Variants in SULF1 observed in about 807,000 individuals in gnomAD.
SULF1 encodes extracellular sulfatase Sulf-1.
In SULF1, 46 loss-of-function variants were observed where a neutral mutation model predicts 110.5. The ratio of observed to expected loss-of-function variants is 0.42; its 90% CI spans 0.33 to 0.53. The LOEUF (loss-of-function observed/expected upper bound fraction) is 0.53. Among genes scored for constraint, SULF1 ranks in the 20% least tolerant of loss-of-function variants. The pLI is 0.12. For missense variants in SULF1, 941 were observed against 1,094.2 expected (o/e 0.86, Z 1.98); for synonymous variants, 371 against 387.1 (o/e 0.96, Z 0.49).
At chr8:69,626,533 G>T (rs1810048224) in intron 15 of SULF1, among the ~76,000 whole-genome samples, 1 of 152,250 alleles carries the variant, frequency 6.6e-6, no homozygotes, top group South Asian at 2.1e-4. Flanking sequence ...ATAGAGCAGG[G>T]GGTGGTGCTC....
intron 1 of SULF1, among the ~76,000 whole-genome samples, chr8:69,471,333 T>TA (rs976272755): frequency 1.3e-5 from 2 of 151,746 alleles, no homozygotes; most frequent in African/African-American, 2.4e-5. Context: ...CTTTCCTCTC[T>TA]AGAGTTACCC....
intron 19 of SULF1, among the ~76,000 whole-genome samples, chr8:69,637,404 T>C (rs774641262): frequency 6.6e-6 from 1 of 152,228 alleles, no homozygotes; most frequent in Non-Finnish European, 1.5e-5. Flanking sequence ...CTCCGCTGCT[T>C]TACGATCCAT....
At chr8:69,523,392 T>C (rs1473265714) in intron 3 of SULF1, among the ~76,000 whole-genome samples, 2 of 151,928 alleles carry the variant, frequency 1.3e-5, no homozygotes, top group African/African-American at 4.8e-5. Flanking sequence ...GAAACAGATA[T>C]TTGAGAGAAT....
intron 22 of SULF1, among the ~76,000 whole-genome samples, chr8:69,648,964 G>A (rs945366403): frequency 3.3e-5 from 5 of 152,206 alleles, no homozygotes; most frequent in East Asian, 1.9e-4. Context: ...TTCTGTTTCC[G>A]GGATTGGGGA....
chr8:69,595,979 C>A (rs1807287331), intron 8 of SULF1, among the ~76,000 whole-genome samples: 1 of 152,090 alleles, frequency 6.6e-6, no homozygotes. Flanking sequence ...TTATTTCTGT[C>A]GTGTCAGTAA....
chr8:69,491,349 C>G (rs975362829), upstream of SULF1, among the ~76,000 whole-genome samples: 3 of 152,192 alleles, frequency 2.0e-5, no homozygotes, highest in Non-Finnish European at 4.4e-5. Context: ...TGTGATAGCA[C>G]ATATTATTTC....
chr8:69,524,184 C>T (rs558638190), intron 3 of SULF1, among the ~76,000 whole-genome samples: 3 of 151,910 alleles, frequency 2.0e-5, no homozygotes, highest in Non-Finnish European at 2.9e-5. Flanking sequence ...AAAAGCAGGC[C>T]GGCAGGCTTT....
intron 3 of SULF1, among the ~76,000 whole-genome samples, chr8:69,558,253 C>G (rs1267775855): frequency 6.6e-6 from 1 of 152,156 alleles, no homozygotes; most frequent in African/African-American, 2.4e-5. Flanking sequence ...TGGGTACCAG[C>G]TTCTTGCTGG....
intron 1 of SULF1, among the ~76,000 whole-genome samples, chr8:69,485,650 C>T (rs939650385): frequency 1.3e-5 from 2 of 152,222 alleles, no homozygotes; most frequent in East Asian, 3.8e-4. Flanking sequence ...GCAACCTCTG[C>T]AGTCGGCTTG....
intron 13 of SULF1, among the ~76,000 whole-genome samples, chr8:69,609,843 C>A (rs1055235509): frequency 1.3e-5 from 2 of 152,184 alleles, no homozygotes; most frequent in South Asian, 4.1e-4. Context: ...GTATGAGACC[C>A]AGGTACCAGT....
At chr8:69,591,339 G>A (rs184587873) in intron 8 of SULF1, among the ~76,000 whole-genome samples, 2 of 152,094 alleles carry the variant, frequency 1.3e-5, no homozygotes, top group African/African-American at 2.4e-5. Flanking sequence ...CGGATCACGA[G>A]GTCAAGAGAT....
At chr8:69,606,605 A>C (rs1808238920) in intron 13 of SULF1, among the ~76,000 whole-genome samples, 1 of 152,210 alleles carries the variant, frequency 6.6e-6, no homozygotes. Context: ...GTGTAATTTT[A>C]CAAACCTCTC....
intron 19 of SULF1, among the ~76,000 whole-genome samples, chr8:69,630,669 T>G (rs1204635446): frequency 6.6e-6 from 1 of 152,202 alleles, no homozygotes; most frequent in East Asian, 1.9e-4. Flanking sequence ...TTCAGATCGC[T>G]GGGGACAGTA....
Position 69,638,486 on chromosome 8 carries a change from C to G in SULF1, c.2285-16C>G. 3 of 1,605,972 alleles carry G rather than the reference C, an allele frequency of 1.9e-6. No individual in the cohort carries two copies. In the African/African-American group the frequency reaches 4.0e-5, roughly 22 times the overall value. On this transcript the variant is annotated splice_polypyrimidine_tract_variant and intron_variant, in intron 19 of 22. Coordinates refer to ENST00000402687, the MANE Select transcript of SULF1 (RefSeq NM_001128205.2). ...ACTCTTTTTGTTTTGTTGTGTTTTT[C>G]TTTTTTACCCAACAGTGGGATCTTT...
intron 6 of SULF1, among the ~76,000 whole-genome samples, chr8:69,583,082 G>A (rs2150758379): frequency 6.6e-6 from 1 of 152,288 alleles, no homozygotes; most frequent in East Asian, 1.9e-4. Flanking sequence ...TTGGCTGACT[G>A]TAGACCTAAT....
chr8:69,509,077 T>C (rs573412657), intron 3 of SULF1, among the ~76,000 whole-genome samples: 1 of 152,314 alleles, frequency 6.6e-6, no homozygotes, highest in East Asian at 1.9e-4. Context: ...CACTAGGATG[T>C]GGTAAAGACC....
chr8:69,507,288 C>A (rs919297790), intron 3 of SULF1, among the ~76,000 whole-genome samples: 20 of 152,210 alleles, frequency 1.3e-4, no homozygotes, highest in Admixed American at 5.9e-4. Context: ...TGGAAGGTTT[C>A]AGGAAGTCAC....
At chr8:69,639,006 T>G in intron 21 of SULF1, 148 bp downstream of exon 21, 2 of 857,768 alleles carry the variant, frequency 2.3e-6, no homozygotes, top group Non-Finnish European at 3.5e-6. Context: ...AAATACAATT[T>G]GATCTCTAAG....
At chr8:69,513,219 T>C (rs964762411) in intron 3 of SULF1, among the ~76,000 whole-genome samples, 12 of 152,238 alleles carry the variant, frequency 7.9e-5, no homozygotes, top group African/African-American at 2.9e-4. Flanking sequence ...CATCCATGCT[T>C]TGACTTGGGC....
Sources: allele counts gnomAD v4.1 joint callset (sites outside exome capture counted in the v4.1 genomes callset), GRCh38; gene constraint gnomAD v4.1.1; transcripts MANE v1.5; gene names NCBI Gene and HGNC (gene_info 2026-07-23, HGNC 2026-07-21).